PLCB1: variants seen among roughly 807,000 people sequenced by gnomAD.
PLCB1 encodes phospholipase C beta 1.
PLCB1 carries 46 observed loss-of-function variants against 161.8 expected under a neutral mutation model. That is an observed-to-expected ratio of 0.28 (90% confidence interval 0.22 to 0.36). The LOEUF (loss-of-function observed/expected upper bound fraction) is 0.36. Ranked by LOEUF, PLCB1 falls within the 10% of genes least tolerant of loss-of-function variation. The pLI is 1.00. For missense variants in PLCB1, 1,016 were observed against 1,472.5 expected, an observed-to-expected ratio of 0.69 and a Z score of 5.07; for synonymous variants, 517 against 503.7, an observed-to-expected ratio of 1.03 and a Z score of -0.35.
chr20:8,253,513 C>G (rs143606290), intron 2 of PLCB1, among the ~76,000 whole-genome samples: 3 of 152,042 alleles, frequency 2.0e-5, no homozygotes, highest in African/African-American at 7.2e-5. Flanking sequence ...GATTTATTGC[C>G]TGGGGCTAAA....
At position 8,685,056 on chromosome 20, in the gene PLCB1, C is replaced by A; in HGVS notation, c.987C>A (p.Ser329=). 6.2e-7 allele frequency: 1 copy of A among 1,613,962 alleles called. No individual in the cohort carries two copies. The highest frequency in any genetic ancestry group is 8.5e-7 in the Non-Finnish European group (1 of 1,179,912). Residue 329 remains serine (S), a synonymous_variant, in exon 10 of 32, where the codon TCC becomes TCA. Coordinates refer to ENST00000338037, the MANE Select transcript of PLCB1 (RefSeq NM_015192.4). ...CCCTTTCTCACTATTTCATTAATTC[C>A]TCGCACAACACCTACCTCACAGGTA... ...SQPLSHYFIN[S]SHNTYLTAGQ... is the part of the protein sequence containing the mutation.
intron 2 of PLCB1, among the ~76,000 whole-genome samples, chr20:8,264,438 T>C (rs971591635): frequency 6.6e-6 from 1 of 152,206 alleles, no homozygotes; most frequent in African/African-American, 2.4e-5. Flanking sequence ...TAGTATAGTA[T>C]AGTAAACACA....
intron 3 of PLCB1, among the ~76,000 whole-genome samples, chr20:8,570,063 A>C (rs1986457572): frequency 6.6e-6 from 1 of 152,202 alleles, no homozygotes; most frequent in Non-Finnish European, 1.5e-5. Context: ...GCTTCATGCC[A>C]AAGCAGGCTG....
chr20:8,169,397 A>G (rs567139085), intron 2 of PLCB1, among the ~76,000 whole-genome samples: 16 of 152,316 alleles, frequency 1.1e-4, no homozygotes, highest in African/African-American at 3.8e-4. Flanking sequence ...GAAATAATAA[A>G]TAGGAATCCC....
intron 25 of PLCB1, among the ~76,000 whole-genome samples, chr20:8,760,741 G>A (rs1981977827): frequency 6.6e-6 from 1 of 152,196 alleles, no homozygotes; most frequent in Non-Finnish European, 1.5e-5. Flanking sequence ...TGCTGGAAAT[G>A]TAACCCAGTG....
rs1981817774 is a variant in PLCB1, at chr20:8,757,857, GAATAAATGAATA to G, written c.2656+687_2656+698del. 2.8e-5 allele frequency among the ~76,000 whole-genome samples: 3 copies of G among 108,844 alleles called. 1 individual carries two copies. The highest frequency in any genetic ancestry group is 1.1e-4 in the Admixed American group (1 of 8,752). 71.4% of individuals were successfully genotyped at this position (108,844 alleles called of 152,430 possible). ...ACACTCTTGTCTCATTTCTCAAAAT[GAATAAATGAATA>G]AATAAATAAATAAATAAATAAATAA... is the stretch of plus-strand genomic sequence containing the variant. On this transcript the variant is annotated intron_variant, in intron 24 of 31. Transcript: ENST00000338037.
chr20:8,860,553 C>G (rs1987220887), intron 31 of PLCB1, among the ~76,000 whole-genome samples: 2 of 152,180 alleles, frequency 1.3e-5, no homozygotes, highest in African/African-American at 4.8e-5. Context: ...ACTCCCCAAA[C>G]CAAATACCAC....
chr20:8,233,714 C>T (rs1471889565), intron 2 of PLCB1, among the ~76,000 whole-genome samples: 5 of 152,114 alleles, frequency 3.3e-5, no homozygotes, highest in African/African-American at 1.2e-4. Flanking sequence ...TAACTGCACC[C>T]TCCTCCCACC....
intron 2 of PLCB1, among the ~76,000 whole-genome samples, chr20:8,227,592 T>C (rs1281420761): frequency 2.0e-5 from 3 of 152,212 alleles, no homozygotes; most frequent in African/African-American, 7.2e-5. Context: ...AAAGCTCCAA[T>C]TCTGTCTTCA....
At chr20:8,735,791 G>A (rs1040537928) in intron 19 of PLCB1, among the ~76,000 whole-genome samples, 8 of 152,172 alleles carry the variant, frequency 5.3e-5, no homozygotes, top group Non-Finnish European at 1.2e-4. Context: ...TAAACAAAGA[G>A]ATTGTTGCTA....
At chr20:8,493,339 G>A (rs952581368) in intron 3 of PLCB1, among the ~76,000 whole-genome samples, 3 of 152,136 alleles carry the variant, frequency 2.0e-5, no homozygotes, top group African/African-American at 7.2e-5. Context: ...TGAGTTTAGA[G>A]CAAAAGCAAA....
intron 2 of PLCB1, among the ~76,000 whole-genome samples, chr20:8,358,727 G>T (rs2122290147): frequency 6.6e-6 from 1 of 152,248 alleles, no homozygotes; most frequent in Admixed American, 6.5e-5. Flanking sequence ...TTTCATTTAT[G>T]TACTTTGTCT....
At position 8,845,849 on chromosome 20, in the gene PLCB1, A is replaced by G. The variant is rs529110570; in HGVS notation, c.3424-35773A>G. On this transcript the variant is annotated intron_variant, in intron 31 of 31. Coordinates refer to ENST00000338037, the MANE Select transcript of PLCB1 (RefSeq NM_015192.4). The stretch of plus-strand genomic sequence containing the variant: ...ATTTAATGCATTACATTCAACAGTT[A>G]TATAATACAATACGCATTAAGTACG... 1.6e-3 allele frequency among the ~76,000 whole-genome samples: 246 copies of G among 152,352 alleles called. 3 individuals are homozygous for G. The Middle Eastern group carries it at 0.017, about 11-fold the overall frequency.
At chr20:8,451,697 T>C (rs1007482015) in intron 3 of PLCB1, among the ~76,000 whole-genome samples, 2 of 152,088 alleles carry the variant, frequency 1.3e-5, no homozygotes, top group African/African-American at 4.8e-5. Context: ...ATGAGCTGTT[T>C]CCTTCCTTCA....
At position 8,757,026 on chromosome 20, in the gene PLCB1, A is replaced by G; in HGVS notation, c.2524-20A>G. The G allele has an allele frequency of 6.4e-7, 1 of 1,571,542 alleles. No homozygotes were observed. Among genetic ancestry groups the G allele is most frequent in the Non-Finnish European group, 8.6e-7 (1 of 1,159,004 alleles). On this transcript the variant is annotated intron_variant, in intron 23 of 31. Transcript: ENST00000338037. ...GAATAAAAAGAAATGTGGAAAATGA[A>G]AGGATATTTATAATTTTAGGCTGAT...
At chr20:8,216,319 A>G (rs1277459671) in intron 2 of PLCB1, among the ~76,000 whole-genome samples, 1 of 152,110 alleles carries the variant, frequency 6.6e-6, no homozygotes, top group Non-Finnish European at 1.5e-5. Context: ...TAGGGAAAAC[A>G]TAGCTCAAAT....
At chr20:8,580,447 C>T (rs530273368) in intron 3 of PLCB1, among the ~76,000 whole-genome samples, 4 of 152,266 alleles carry the variant, frequency 2.6e-5, no homozygotes, top group African/African-American at 9.6e-5. Flanking sequence ...TAACTTCTTG[C>T]TATACTGTCC....
intron 3 of PLCB1, among the ~76,000 whole-genome samples, chr20:8,486,395 G>C (rs1982722773): frequency 6.7e-6 from 1 of 150,336 alleles, no homozygotes; most frequent in East Asian, 2.0e-4. Context: ...GTTGGAAAAA[G>C]CTTTTTTCAG....
intron 27 of PLCB1, among the ~76,000 whole-genome samples, chr20:8,778,109 C>A (rs1983036246): frequency 6.6e-6 from 1 of 151,986 alleles, no homozygotes; most frequent in African/African-American, 2.4e-5. Flanking sequence ...CTGGAGTTTC[C>A]CCAGGGCCCC....
Sources: allele counts gnomAD v4.1 joint callset (sites outside exome capture counted in the v4.1 genomes callset), GRCh38; gene constraint gnomAD v4.1.1; transcripts MANE v1.5; gene names NCBI Gene and HGNC (gene_info 2026-07-23, HGNC 2026-07-21).